ZFAT: variants seen among roughly 807,000 people sequenced by gnomAD.
ZFAT encodes the protein zinc finger and AT-hook domain containing.
In ZFAT, 64 loss-of-function variants were observed where a neutral mutation model predicts 117.7. The ratio of observed to expected loss-of-function variants is 0.54; its 90% CI spans 0.44 to 0.67. The LOEUF (loss-of-function observed/expected upper bound fraction) is 0.67. Among genes scored for constraint, ZFAT ranks in the 30% least tolerant of loss-of-function variants. ZFAT has a pLI of 0.00. For synonymous variants in ZFAT, 679 were observed against 615.0 expected, an observed-to-expected ratio of 1.10 and a Z score of -1.54; for missense variants, 1,433 against 1,584.5, an observed-to-expected ratio of 0.90 and a Z score of 1.62.
chr8:134,776,366 C>T, the ZFAT span, among the ~76,000 whole-genome samples: 1 of 152,186 alleles, frequency 6.6e-6, no homozygotes, highest in Non-Finnish European at 1.5e-5. Context: ...TGCTGCAGCA[C>T]AGTCATGGCT....
At chr8:134,622,118 T>C (rs1024472133) in intron 3 of ZFAT, among the ~76,000 whole-genome samples, 2 of 152,212 alleles carry the variant, frequency 1.3e-5, no homozygotes, top group African/African-American at 4.8e-5. Flanking sequence ...CGCCCAATTA[T>C]ATACATGAAA....
intron 15 of ZFAT, among the ~76,000 whole-genome samples, chr8:134,498,349 G>A (rs1818672315): frequency 6.9e-6 from 1 of 144,310 alleles, no homozygotes; most frequent in Non-Finnish European, 1.5e-5. Flanking sequence ...CCCCGTTGCT[G>A]GTTACACACA....
chr8:134,687,142 G>C (rs1045075628), intron 1 of ZFAT, among the ~76,000 whole-genome samples: 3 of 152,150 alleles, frequency 2.0e-5, no homozygotes, highest in African/African-American at 7.2e-5. Flanking sequence ...CTCCCTTCCA[G>C]CTCTGATGCT....
At chr8:134,495,789 G>T (rs1283498861) in intron 15 of ZFAT, among the ~76,000 whole-genome samples, 1 of 152,202 alleles carries the variant, frequency 6.6e-6, no homozygotes, top group Non-Finnish European at 1.5e-5. Flanking sequence ...AATTAGCCAG[G>T]CACAGTGGTT....
chr8:134,783,105 T>C, the ZFAT span, among the ~76,000 whole-genome samples: 1 of 152,198 alleles, frequency 6.6e-6, no homozygotes, highest in Middle Eastern at 3.2e-3. Context: ...AATAATACAC[T>C]ATATCAACCT....
intron 1 of ZFAT, among the ~76,000 whole-genome samples, chr8:134,676,117 T>G (rs914103170): frequency 3.3e-5 from 5 of 151,700 alleles, no homozygotes; most frequent in African/African-American, 1.2e-4. Context: ...ATATAAATGG[T>G]CTAAATGCCC....
the ZFAT span, chr8:134,798,419 G>T: frequency 1.8e-4 from 28 of 151,918 alleles, no homozygotes; most frequent in Non-Finnish European, 2.1e-4. Context: ...ACATTAATCA[G>T]AAAATATGTG....
chr8:134,634,757 G>C (rs1830102458), intron 3 of ZFAT, among the ~76,000 whole-genome samples: 1 of 152,172 alleles, frequency 6.6e-6, no homozygotes, highest in Admixed American at 6.5e-5. Flanking sequence ...GATGGTTTTG[G>C]TGAGGGTCTT....
At chr8:134,690,545 T>C (rs915934484) in intron 1 of ZFAT, among the ~76,000 whole-genome samples, 1 of 152,196 alleles carries the variant, frequency 6.6e-6, no homozygotes, top group African/African-American at 2.4e-5. Flanking sequence ...CTCAGTTATA[T>C]AAAATGTTCT....
intron 2 of ZFAT, among the ~76,000 whole-genome samples, chr8:134,647,672 A>G (rs1830980497): frequency 6.6e-6 from 1 of 152,230 alleles, no homozygotes; most frequent in Admixed American, 6.5e-5. Context: ...ATAAAGTTAC[A>G]AATGTTACAA....
chr8:134,576,188 G>A (rs1432105267), intron 10 of ZFAT, among the ~76,000 whole-genome samples: 1 of 152,204 alleles, frequency 6.6e-6, no homozygotes, highest in African/African-American at 2.4e-5. Flanking sequence ...AGTTAAATCT[G>A]TATATCAATC....
chr8:134,700,640 G>A (rs1433756424), intron 1 of ZFAT, among the ~76,000 whole-genome samples: 2 of 152,180 alleles, frequency 1.3e-5, no homozygotes, highest in African/African-American at 4.8e-5. Flanking sequence ...GAGGAGCTCT[G>A]GCCAGTCCGG....
chr8:134,672,675 C>T (rs1832618020), intron 1 of ZFAT, among the ~76,000 whole-genome samples: 1 of 152,156 alleles, frequency 6.6e-6, no homozygotes, highest in Admixed American at 6.5e-5. Context: ...ATGTGAATGA[C>T]AGCAGATTTA....
Position 134,602,279 on chromosome 8 carries a change from C to T in ZFAT, c.1440G>A (p.Val480=). Residue 480 remains valine, a synonymous_variant, in exon 6 of 16, where the codon GTG becomes GTA. Coordinates refer to ENST00000377838, the MANE Select transcript of ZFAT (RefSeq NM_020863.4). Reference sequence around the variant, plus strand: ...CCAAGGCCTCCTGGGCAGCCCCGTGCACCTCTTTGATGTGGGTGCGCAGCC... The same window carrying T: ...CCAAGGCCTCCTGGGCAGCCCCGTGTACCTCTTTGATGTGGGTGCGCAGCC... ...SIRLRTHIKE[V]HGAAQEALVF... 4 of 1,613,904 alleles carry T rather than the reference C, an allele frequency of 2.5e-6. No homozygotes were observed. The highest frequency in any genetic ancestry group is 2.5e-6 in the Non-Finnish European group (3 of 1,180,048).
At chr8:134,516,204 A>ATG (rs919737952) in intron 13 of ZFAT, among the ~76,000 whole-genome samples, 1 of 152,232 alleles carries the variant, frequency 6.6e-6, no homozygotes, top group African/African-American at 2.4e-5. Context: ...GAATTGACCA[A>ATG]TGTTCCTCCA....
rs1486010692 is a variant in ZFAT, at chr8:134,478,079, C to T, written c.*403G>A. 2 of 232,976 alleles carry T rather than the reference C, an allele frequency of 8.6e-6. No homozygotes were observed. Among genetic ancestry groups the T allele is most frequent in the East Asian group, 9.4e-5 (1 of 10,662 alleles). The allele number at this position is 232,976 out of a possible 1,614,324, so 14.4% of individuals were successfully genotyped here. On this transcript the variant is annotated 3_prime_UTR_variant, in exon 16 of 16. Coordinates refer to ENST00000377838, the MANE Select transcript of ZFAT (RefSeq NM_020863.4). The surrounding 1 kb of genome is among the most constrained non-coding windows in gnomAD (Gnocchi z 5.2). ...GTCTCCCTCTCACCAGACTGCATAG[C>T]GGTTGCAGATGAACATTTGGCACCT...
intron 1 of ZFAT, among the ~76,000 whole-genome samples, chr8:134,667,629 C>T (rs904812500): frequency 2.0e-5 from 3 of 151,128 alleles, no homozygotes; most frequent in Non-Finnish European, 4.4e-5. Flanking sequence ...AAGAGGGGGG[C>T]AGCTCCAAGA....
At chr8:134,794,895 A>T in the ZFAT span, 1 of 152,248 alleles carries the variant, frequency 6.6e-6, no homozygotes, top group Admixed American at 6.5e-5. Flanking sequence ...GCACTTACTA[A>T]ACAACTTTGT....
intron 1 of ZFAT, among the ~76,000 whole-genome samples, chr8:134,658,991 C>T (rs993553473): frequency 6.6e-6 from 1 of 152,232 alleles, no homozygotes; most frequent in African/African-American, 2.4e-5. Flanking sequence ...GGTGTGCCCT[C>T]GCCCAGCAGC....
Sources: gnomAD v4.1 joint callset for allele counts (sites outside exome capture counted in the v4.1 genomes callset) on GRCh38, gnomAD v4.1.1 for gene constraint, Gnocchi (gnomAD v3.1) non-coding constraint, MANE v1.5 for transcripts, NCBI Gene and HGNC (gene_info 2026-07-23, HGNC 2026-07-21) for gene names.